SLC39A8: variants seen among roughly 807,000 people sequenced by gnomAD.
SLC39A8 encodes metal cation symporter ZIP8.
A neutral mutation model predicts 40.4 loss-of-function variants in SLC39A8; 15 were observed. The observed-to-expected ratio is 0.37, with a 90% confidence interval of 0.25 to 0.57. The LOEUF is 0.57. Among genes scored for constraint, SLC39A8 ranks in the 20% least tolerant of loss-of-function variants. SLC39A8 has a pLI of 0.75. For missense variants in SLC39A8, 472 were observed against 558.8 expected (o/e 0.84, Z 1.57); for synonymous variants, 223 against 221.6 (o/e 1.01, Z -0.06).
At chr4:102,256,890 C>T (rs1731721456), downstream of SLC39A8, among the ~76,000 whole-genome samples, 1 of 152,126 alleles carries the variant, frequency 6.6e-6, no homozygotes, top group African/African-American at 2.4e-5. Flanking sequence ...TGCAGGGAAA[C>T]CACAGGTGAT....
rs1334001565 is a variant in SLC39A8, at chr4:102,262,934, T to C, written c.*110A>G. The C allele has an allele frequency of 2.1e-6, 3 of 1,437,982 alleles. No homozygotes were observed. The African/African-American group carries it at 4.3e-5, about 21-fold the overall frequency. The allele number at this position is 1,437,982 out of a possible 1,614,324, so 89.1% of individuals were successfully genotyped here. ...AATAATTAGTTTTCTGGACCTACAG[T>C]TGAAAGCAAAATTATCTTTTTAACT... On this transcript the variant is annotated 3_prime_UTR_variant, in exon 9 of 9. Transcript: ENST00000356736.
chr4:102,332,213 A>G (rs1735498224), intron 2 of SLC39A8, among the ~76,000 whole-genome samples: 1 of 152,248 alleles, frequency 6.6e-6, no homozygotes, highest in South Asian at 2.1e-4. Context: ...AGAAGCTATC[A>G]TCAAAGTGAA....
Position 102,304,486 on chromosome 4 carries a change from ATGGG to A in SLC39A8, c.676-9_676-6del. 1 of 1,606,336 alleles carries A rather than the reference ATGGG, an allele frequency of 6.2e-7. No homozygotes were observed. The highest frequency in any genetic ancestry group is 1.3e-5 in the African/African-American group (1 of 74,608). The stretch of plus-strand genomic sequence containing the variant: ...TCCAAAGTGGGTATGACCATTCTAT[ATGGG>A]AACAAAAACCAAAGAGATTATAAGA... On this transcript the variant is annotated splice_region_variant and splice_polypyrimidine_tract_variant and intron_variant, in intron 5 of 8. Transcript: ENST00000356736.
At chr4:102,307,641 C>T in intron 3 of SLC39A8, 36 bp from the exon 4 acceptor site, 1 of 1,595,322 alleles carries the variant, frequency 6.3e-7, no homozygotes, top group Non-Finnish European at 8.6e-7. Flanking sequence ...AGAAATTAAT[C>T]AGAGCAAGGA....
At chr4:102,299,302 A>G (rs978107836) in intron 6 of SLC39A8, among the ~76,000 whole-genome samples, 1 of 114,258 alleles carries the variant, frequency 8.8e-6, no homozygotes, top group Non-Finnish European at 1.8e-5. Context: ...TTTCATACTT[A>G]AAAAAAAAAA....
In SLC39A8 at chr4:102,304,399, C is replaced by A. The variant is rs772112205; in HGVS notation, c.758G>T (p.Gly253Val). 6 of 1,611,508 alleles carry A rather than the reference C, an allele frequency of 3.7e-6. No homozygotes were observed. The highest frequency in any genetic ancestry group is 5.1e-6 in the Non-Finnish European group (6 of 1,178,302). The part of the protein sequence containing the change: ...HQPKALPAIN[G>V]VTCYANPAVT... ...AGCAGGATTTGCATAGCATGTCACA[C>A]CATTGATGGCAGGTAATGCTTTAGG... Residue 253 changes from glycine (G) to valine (V), a missense_variant, in exon 6 of 9, where the codon GGT becomes GTT. Coordinates refer to ENST00000356736, the MANE Select transcript of SLC39A8 (RefSeq NM_001135146.2).
intron 6 of SLC39A8, among the ~76,000 whole-genome samples, chr4:102,274,407 C>T (rs1051171964): frequency 2.6e-5 from 4 of 151,918 alleles, no homozygotes; most frequent in African/African-American, 9.7e-5. Context: ...AGAGAAAAAA[C>T]AATGAAGAGG....
chr4:102,328,974 GCCAAGACTGCA>G (rs1735334790), intron 2 of SLC39A8, among the ~76,000 whole-genome samples: 1 of 150,784 alleles, frequency 6.6e-6, no homozygotes, highest in Non-Finnish European at 1.5e-5. Flanking sequence ...CTTGCAGTGA[GCCAAGACTGCA>G]CCACTGCACT....
chr4:102,326,331 G>A (rs1416456039), intron 2 of SLC39A8, among the ~76,000 whole-genome samples: 1 of 152,200 alleles, frequency 6.6e-6, no homozygotes, highest in Non-Finnish European at 1.5e-5. Flanking sequence ...GGAGGCCGAG[G>A]CGGGCAGATC....
intron 2 of SLC39A8, 85 bp from the exon 3 acceptor site, chr4:102,315,915 T>C: frequency 8.8e-7 from 1 of 1,137,528 alleles, no homozygotes. Flanking sequence ...CACAGACTAT[T>C]TCATCTAGAT....
Position 102,263,188 on chromosome 4 carries a change from T to G in SLC39A8, c.1239A>C (p.Pro413=). Residue 413 remains proline, a synonymous_variant, in exon 9 of 9, where the codon CCA becomes CCC. Coordinates refer to ENST00000356736, the MANE Select transcript of SLC39A8 (RefSeq NM_001135146.2). ...FLYISLADMF[P]EMNDMLREKV... is the part of the protein sequence containing the mutation. ...TTTCTCTCAGCATATCATTCATCTCTGGAAACTAGAAGACAGATATATTGT... is the reference window on the plus strand; with the variant it reads ...TTTCTCTCAGCATATCATTCATCTCGGGAAACTAGAAGACAGATATATTGT... The G allele has an allele frequency of 6.2e-7, 1 of 1,612,972 alleles. No individual in the cohort carries two copies. The highest frequency in any genetic ancestry group is 1.7e-5 in the Admixed American group (1 of 59,950).
intron 3 of SLC39A8, among the ~76,000 whole-genome samples, 157 bp downstream of exon 3, chr4:102,315,508 ATTC>A (rs748629591): frequency 1.1e-4 from 17 of 152,310 alleles, no homozygotes; most frequent in Non-Finnish European, 2.2e-4. Context: ...ATGAGTTATA[ATTC>A]TTCTTATTCC....
chr4:102,340,546 G>T (rs1299245513), intron 2 of SLC39A8, among the ~76,000 whole-genome samples: 2 of 152,114 alleles, frequency 1.3e-5, no homozygotes, highest in African/African-American at 4.8e-5. Context: ...CAAAGGATAC[G>T]GTTTAAGAAA....
intron 6 of SLC39A8, among the ~76,000 whole-genome samples, chr4:102,282,875 T>G (rs959383510): frequency 1.3e-5 from 2 of 152,058 alleles, no homozygotes; most frequent in African/African-American, 2.4e-5. Context: ...TACAGGTGCG[T>G]GCCACCATGC....
At chr4:102,259,594 C>T (rs1029821211), downstream of SLC39A8, 1 of 1,116,166 alleles carries the variant, frequency 9.0e-7, no homozygotes, top group African/African-American at 1.6e-5. Flanking sequence ...AACTGTAAAT[C>T]TAGCCCCGCC....
chr4:102,258,620 G>C (rs1731767876), downstream of SLC39A8, among the ~76,000 whole-genome samples: 2 of 152,106 alleles, frequency 1.3e-5, no homozygotes, highest in African/African-American at 2.4e-5. Flanking sequence ...TTGGCTTTTG[G>C]CCCTTCCAGG....
chr4:102,257,372 T>C (rs891822184), downstream of SLC39A8, among the ~76,000 whole-genome samples: 1 of 152,210 alleles, frequency 6.6e-6, no homozygotes, highest in Non-Finnish European at 1.5e-5. Context: ...CTTTGAATTC[T>C]ATCTATTTAC....
At chr4:102,324,728 T>A (rs1735122331) in intron 2 of SLC39A8, among the ~76,000 whole-genome samples, 1 of 152,208 alleles carries the variant, frequency 6.6e-6, no homozygotes, top group Non-Finnish European at 1.5e-5. Flanking sequence ...TCTTTCCCAT[T>A]AAATAATCAT....
chr4:102,305,262 A>C (rs1734118899), intron 4 of SLC39A8, 151 bp from the exon 5 acceptor site: 5 of 794,212 alleles, frequency 6.3e-6, no homozygotes, highest in Non-Finnish European at 9.7e-6. Flanking sequence ...ATCACAAAAC[A>C]AAAACTTTGA....
Sources: allele counts gnomAD v4.1 joint callset (sites outside exome capture counted in the v4.1 genomes callset), GRCh38; gene constraint gnomAD v4.1.1; transcripts MANE v1.5; gene names NCBI Gene and HGNC (gene_info 2026-07-23, HGNC 2026-07-21).